The following SH3TC2 variants were observed in gnomAD, a reference collection of about 807,000 sequenced individuals.
The protein encoded by SH3TC2 is SH3 domain and tetratricopeptide repeat-containing protein 2.
Under a neutral mutation model 124.5 loss-of-function variants are expected in SH3TC2, and 87 were observed. The observed-to-expected ratio is 0.70, with a 90% CI of 0.59 to 0.84. The LOEUF (loss-of-function observed/expected upper bound fraction) is 0.84, where lower values mean the gene tolerates loss of function less well. Among genes scored for constraint, SH3TC2 ranks in the 40% least tolerant of loss-of-function variants. SH3TC2 has a pLI of 0.00. For missense variants in SH3TC2, 1,536 were observed against 1,566.4 expected, an observed-to-expected ratio of 0.98 and a Z score of 0.33; for synonymous variants, 634 against 628.5, an observed-to-expected ratio of 1.01 and a Z score of -0.13.
At chr5:149,032,949 A>T (rs1045406117) in intron 8 of SH3TC2, among the ~76,000 whole-genome samples, 1 of 152,308 alleles carries the variant, frequency 6.6e-6, no homozygotes, top group Non-Finnish European at 1.5e-5. Flanking sequence ...GAAATCTACA[A>T]CTAAATTCAA....
chr5:149,042,823 A>C lies in SH3TC2; in HGVS notation c.400T>G (p.Cys134Gly), dbSNP rs746195502. 1 of 1,614,176 alleles carries C rather than the reference A, an allele frequency of 6.2e-7. No individual in the cohort carries two copies. The highest frequency in any genetic ancestry group is 1.1e-5 in the South Asian group (1 of 91,088). Reference sequence around the variant, plus strand: ...TGGTCAAAGAGGAGATGTTCTAGACACATGGATACGTAGCCTAAGAAGTCA... The same window carrying C: ...TGGTCAAAGAGGAGATGTTCTAGACCCATGGATACGTAGCCTAAGAAGTCA... ...TYLNLGYVSM[C>G]LEHLLFDHKY... is the part of the protein sequence containing the mutation. The change falls in exon 5 of 17, where the codon TGT (cysteine) becomes GGT (glycine). Residue 134 changes from cysteine to glycine, a missense_variant. Physicochemically the swap from Cys to Gly is radical, Grantham distance 159 (BLOSUM62 -3). Transcript: ENST00000515425.
In SH3TC2 at chr5:149,028,705, G is replaced by A. The variant is rs1287888895; in HGVS notation, c.1149C>T (p.Ser383=). The change falls in exon 10 of 17, where the codon TCC becomes TCT. Residue 383 remains serine (S), a synonymous_variant. Transcript: ENST00000515425. ...TCAGATCATTTGGAGGATTCTGGAT[G>A]GATTCAAACCCACCTAAGTAGAGAT... The part of the protein sequence containing the change: ...TSVYRLSGFE[S]IQNPPNDLSA... 6.2e-7 allele frequency: 1 copy of A among 1,614,182 alleles called. No individual in the cohort carries two copies.
intron 14 of SH3TC2, 101 bp downstream of exon 14, chr5:149,010,169 C>G (rs1204126245): frequency 6.6e-7 from 1 of 1,525,608 alleles, no homozygotes; most frequent in East Asian, 2.3e-5. Context: ...AAATGAAATA[C>G]AAGCAAGAGA....
intron 8 of SH3TC2, among the ~76,000 whole-genome samples, chr5:149,037,959 C>T (rs1754310147): frequency 1.3e-5 from 2 of 152,140 alleles, no homozygotes; most frequent in African/African-American, 4.8e-5. Context: ...CGTGTGTGCC[C>T]TTCCTCTGAA....
intron 12 of SH3TC2, among the ~76,000 whole-genome samples, chr5:149,018,838 A>T (rs562159068): frequency 1.1e-3 from 173 of 152,242 alleles, no homozygotes; most frequent in African/African-American, 3.9e-3. Flanking sequence ...ACTTTTCAAG[A>T]TATTACTTAT....
rs5872107 is a variant in SH3TC2 at position 149,003,849 on chromosome 5, C to CAAAAA, written c.*857_*861dup. ...CTGGGCAACAGAGGAGAAACTGTCT[C>CAAAAA]AAAAAAAAAAAAAAAAAAAAAAGAC... is the stretch of plus-strand genomic sequence containing the variant. On this transcript the variant is annotated 3_prime_UTR_variant, in exon 17 of 17. Coordinates refer to ENST00000515425, the MANE Select transcript of SH3TC2 (RefSeq NM_024577.4). The CAAAAA allele has an allele frequency of 2.2e-4, 37 of 171,838 alleles. No homozygotes were observed. The highest frequency in any genetic ancestry group is 8.9e-4 in the East Asian group (5 of 5,618). The allele number at this position is 171,838 out of a possible 1,614,324, so 10.6% of individuals were successfully genotyped here.
At position 149,008,958 on chromosome 5, in the gene SH3TC2, G is replaced by A. The variant is rs752094727; in HGVS notation, c.3371C>T (p.Thr1124Ile). ...PLARRLKAVR[T>I]ELRIFNKLTE... is the part of the protein sequence containing the mutation. ...CAGCTTATTGAAAATCCGGAGCTCA[G>A]TTCTCACCGCCTTCAACCTCCTTGC... is the stretch of plus-strand genomic sequence containing the variant. Residue 1124 changes from threonine (T) to isoleucine (I), a missense_variant, in exon 15 of 17, where the codon ACT (threonine) becomes ATT (isoleucine). By Grantham distance (89) the Thr-to-Ile change is moderately conservative. Transcript: ENST00000515425. 3.7e-6 allele frequency: 6 copies of A among 1,614,202 alleles called. No homozygotes were observed. The highest frequency in any genetic ancestry group is 5.1e-6 in the Non-Finnish European group (6 of 1,180,028).
At position 148,982,737 on chromosome 5, in the gene SH3TC2, G is replaced by C. The variant is rs1323840020; in HGVS notation, c.*21974C>G. Reference sequence around the variant, plus strand: ...AAAATATCCCTGGAAGAATACACAAGAAACTAATTTTTTAAATGTGGCCTA... The same window carrying C: ...AAAATATCCCTGGAAGAATACACAACAAACTAATTTTTTAAATGTGGCCTA... On this transcript the variant is annotated 3_prime_UTR_variant, in exon 17 of 17. Coordinates refer to ENST00000515425, the MANE Select transcript of SH3TC2 (RefSeq NM_024577.4). Among the ~76,000 whole-genome samples, 1 of 152,118 alleles carries C rather than the reference G, an allele frequency of 6.6e-6. No homozygotes were observed. The highest frequency in any genetic ancestry group is 1.5e-5 in the Non-Finnish European group (1 of 68,008).
rs1403721804 is a variant in SH3TC2, at chr5:148,985,060, C to A, written c.*19651G>T. On this transcript the variant is annotated 3_prime_UTR_variant, in exon 17 of 17. Coordinates refer to ENST00000515425, the MANE Select transcript of SH3TC2 (RefSeq NM_024577.4). ...GGCAAGCTAATCTGGTTAACTGAGA[C>A]TCTTCTTGATAGAACTTTTATTGGT... Among the ~76,000 whole-genome samples, 2 of 151,932 alleles carry A rather than the reference C, an allele frequency of 1.3e-5. No homozygotes were observed. Among genetic ancestry groups the A allele is most frequent in the African/African-American group, 4.8e-5 (2 of 41,348 alleles).
intron 14 of SH3TC2, 93 bp downstream of exon 14, chr5:149,010,177 A>G: frequency 6.5e-7 from 1 of 1,544,264 alleles, no homozygotes; most frequent in Non-Finnish European, 8.9e-7. Flanking sequence ...TACAAGCAAG[A>G]GAGGAGAAGA....
intron 5 of SH3TC2, 30 bp downstream of exon 5, chr5:149,042,664 A>T (rs1487493114): frequency 6.2e-7 from 1 of 1,613,736 alleles, no homozygotes; most frequent in Non-Finnish European, 8.5e-7. Context: ...TCTGAATAAG[A>T]TCCCATCTCT....
chr5:149,055,804 G>A (rs1549908), intron 1 of SH3TC2, among the ~76,000 whole-genome samples: 12 of 152,194 alleles, frequency 7.9e-5, no homozygotes, highest in South Asian at 6.2e-4. Context: ...ACAGCAAACC[G>A]GGCATGGTGG....
At chr5:149,054,803 C>A (rs1445828203) in intron 1 of SH3TC2, among the ~76,000 whole-genome samples, 1 of 152,166 alleles carries the variant, frequency 6.6e-6, no homozygotes, top group Non-Finnish European at 1.5e-5. Flanking sequence ...TTACACCTGA[C>A]CCTGGCAAGT....
At chr5:149,052,808 T>C (rs1754580329) in intron 1 of SH3TC2, among the ~76,000 whole-genome samples, 1 of 152,140 alleles carries the variant, frequency 6.6e-6, no homozygotes, top group African/African-American at 2.4e-5. Context: ...AGAAAGAAGA[T>C]CAAGACACAG....
chr5:149,053,873 T>C (rs1056147546), intron 1 of SH3TC2, among the ~76,000 whole-genome samples: 1 of 152,084 alleles, frequency 6.6e-6, no homozygotes, highest in African/African-American at 2.4e-5. Context: ...AAGAGTAGAA[T>C]GATGGTTACT....
intron 8 of SH3TC2, among the ~76,000 whole-genome samples, chr5:149,034,900 G>T (rs1754257415): frequency 6.6e-6 from 1 of 152,140 alleles, no homozygotes; most frequent in South Asian, 2.1e-4. Flanking sequence ...AAACTTTGAA[G>T]ATGTTATGCT....
rs774694570 is a variant in SH3TC2, at chr5:149,027,411, T to C, written c.2321A>G (p.Asp774Gly). 7 of 1,613,970 alleles carry C rather than the reference T, an allele frequency of 4.3e-6. No individual in the cohort carries two copies. The highest frequency in any genetic ancestry group is 5.9e-6 in the Non-Finnish European group (7 of 1,180,038). ...SKVYLEHRSP[D>G]GAIHYLSQAL... Reference sequence around the variant, plus strand: ...CTGGCTCAGGTAGTGGATGGCACCGTCAGGAGACCTGTGCTCGAGGTACAC... The same window carrying C: ...CTGGCTCAGGTAGTGGATGGCACCGCCAGGAGACCTGTGCTCGAGGTACAC... Residue 774 changes from aspartate (D) to glycine (G), a missense_variant, in exon 11 of 17, where the codon GAC (aspartate) becomes GGC (glycine). Transcript: ENST00000515425.
chr5:149,032,364 C>G (rs1754212022), intron 8 of SH3TC2, among the ~76,000 whole-genome samples: 1 of 152,074 alleles, frequency 6.6e-6, no homozygotes, highest in Admixed American at 6.6e-5. Context: ...AACTGTTAAG[C>G]CTAATTTGCT....
rs1753308811 is a variant in SH3TC2 at position 148,984,840 on chromosome 5, C to A, written c.*19871G>T. Among the ~76,000 whole-genome samples the A allele has an allele frequency of 6.6e-6, 1 of 152,188 alleles. No homozygotes were observed. On this transcript the variant is annotated 3_prime_UTR_variant, in exon 17 of 17. Transcript: ENST00000515425. Reference sequence around the variant, plus strand: ...TTCACCTTGAAGGTTATGTACTCCACTCACTTCTTTGACCTCAAATAATTT... The same window carrying A: ...TTCACCTTGAAGGTTATGTACTCCAATCACTTCTTTGACCTCAAATAATTT...
Sources: allele counts gnomAD v4.1 joint callset (sites outside exome capture counted in the v4.1 genomes callset), GRCh38; gene constraint gnomAD v4.1.1; transcripts MANE v1.5; gene names NCBI Gene and HGNC (gene_info 2026-07-23, HGNC 2026-07-21).